Variants in CMC2 observed in about 807,000 individuals in gnomAD.
CMC2 encodes COX assembly mitochondrial protein 2 homolog.
CMC2 carries 5 observed loss-of-function variants against 7.5 expected under a neutral mutation model. The observed-to-expected ratio is 0.66, with a 90% CI of 0.35 to 1.40. CMC2 has a LOEUF of 1.40. Among genes scored for constraint, CMC2 ranks in the 40% most tolerant of loss-of-function variants. The probability of loss-of-function intolerance (pLI) is 0.04; values close to 1 mark genes in which losing one functional copy is unlikely to be tolerated. For missense variants in CMC2, 115 were observed against 92.3 expected (o/e 1.25, Z -1.01); for synonymous variants, 37 against 31.4 (o/e 1.18, Z -0.60).
chr16:80,974,556 G>A lies in CMC2; in HGVS notation c.*1537C>T, dbSNP rs1912144761. The A allele has an allele frequency of 1.3e-5, 2 of 149,612 alleles. No individual in the cohort carries two copies. Among genetic ancestry groups the A allele is most frequent in the Admixed American group, 1.3e-4 (2 of 15,226 alleles). 9.3% of individuals were successfully genotyped at this position (149,612 alleles called of 1,614,324 possible). A position where few individuals can be genotyped will look rare whatever the true frequency, so the allele number is the denominator to read the frequency against. ...AATGCCTTAAAGTGCGCCTCAGAAT[G>A]TATCCCATTTTCACTCATTTGTCAA... On this transcript the variant is annotated 3_prime_UTR_variant, in exon 4 of 4. Transcript: ENST00000219400.
In CMC2 at chr16:80,987,335, G is replaced by A. The variant is rs188036898; in HGVS notation, c.82-5458C>T. ...GAAAATACAAAAATTTTTAAATGGT[G>A]GAAAAACCCAGTACTTAGTGAGTTT... On this transcript the variant is annotated intron_variant, in intron 2 of 3. Coordinates refer to ENST00000219400, the MANE Select transcript of CMC2 (RefSeq NM_020188.5). Among the ~76,000 whole-genome samples, 350 of 152,194 alleles carry A rather than the reference G, an allele frequency of 2.3e-3. 1 individual carries two copies. Among genetic ancestry groups the A allele is most frequent in the African/African-American group, 8.2e-3 (339 of 41,530 alleles).
intron 2 of CMC2, among the ~76,000 whole-genome samples, chr16:80,987,409 C>T (rs1251938658): frequency 1.3e-5 from 2 of 152,126 alleles, no homozygotes; most frequent in Non-Finnish European, 2.9e-5. Context: ...TTTATACTTT[C>T]CTACTTTTTT....
intron 2 of CMC2, among the ~76,000 whole-genome samples, chr16:80,990,617 T>A (rs2549847): frequency 5.3e-5 from 8 of 152,080 alleles, no homozygotes. Flanking sequence ...TATCTTCTCC[T>A]CCTTTTTTAT....
chr16:80,990,326 AC>A (rs1475961498), intron 2 of CMC2, among the ~76,000 whole-genome samples: 2 of 151,986 alleles, frequency 1.3e-5, no homozygotes, highest in Non-Finnish European at 2.9e-5. Flanking sequence ...GTCCGCCACC[AC>A]GCACAGCTAA....
rs535288368 is a variant in CMC2, at chr16:80,970,228, A to T, written c.*5865T>A. 9.2e-5 allele frequency: 14 copies of T among 152,314 alleles called. No homozygotes were observed. The highest frequency in any genetic ancestry group is 5.9e-4 in the Admixed American group (9 of 15,300). The allele number at this position is 152,314 out of a possible 1,614,324, so 9.4% of individuals were successfully genotyped here. On this transcript the variant is annotated 3_prime_UTR_variant, in exon 4 of 4. Transcript: ENST00000219400. ...CACCATTTCTGCTCTGATCCATACC[A>T]GAAAATGGATGCTTCATGGACCGTC...
Position 80,975,110 on chromosome 16 carries a change from T to G in CMC2, c.*983A>C, listed in dbSNP as rs1231521239. On this transcript the variant is annotated 3_prime_UTR_variant, in exon 4 of 4. Transcript: ENST00000219400. Reference sequence around the variant, plus strand: ...GATTGTCACAGGTCTCAGAAACACTTGGCAGAAGGAACACTGGTGAAATGA... The same window carrying G: ...GATTGTCACAGGTCTCAGAAACACTGGGCAGAAGGAACACTGGTGAAATGA... 6.6e-6 allele frequency: 1 copy of G among 152,338 alleles called. No individual in the cohort carries two copies. The highest frequency in any genetic ancestry group is 1.5e-5 in the Non-Finnish European group (1 of 68,132). 9.4% of individuals were successfully genotyped at this position (152,338 alleles called of 1,614,324 possible).
chr16:80,992,723 G>C (rs867261308), intron 2 of CMC2, among the ~76,000 whole-genome samples: 1 of 84,312 alleles, frequency 1.2e-5, no homozygotes, highest in African/African-American at 6.2e-5. Flanking sequence ...TTTTTTTTTT[G>C]TGTAAAGACA....
Position 80,971,460 on chromosome 16 carries a change from A to AG in CMC2, c.*4632_*4633insC, listed in dbSNP as rs1199228560. The AG allele has an allele frequency of 6.6e-6, 1 of 151,148 alleles. No individual in the cohort carries two copies. 9.4% of individuals were successfully genotyped at this position (151,148 alleles called of 1,614,324 possible). On this transcript the variant is annotated 3_prime_UTR_variant, in exon 4 of 4. Coordinates refer to ENST00000219400, the MANE Select transcript of CMC2 (RefSeq NM_020188.5). ...CAACATAGTATTTTTTTTTTAAAAA[A>AG]AAAAGGTACGCTACCAAAGGCTACA...
Position 80,979,989 on chromosome 16 carries a change from G to C in CMC2, c.153+1817C>G, listed in dbSNP as rs185555141. ...CTGAAGCACTGTGGCGACCTAGATA[G>C]CTCACTGCAGCCATGAACTCCTGGG... On this transcript the variant is annotated intron_variant, in intron 3 of 3. Transcript: ENST00000219400. 2.8e-3 allele frequency among the ~76,000 whole-genome samples: 433 copies of C among 152,194 alleles called. 1 individual carries two copies. The highest frequency in any genetic ancestry group is 4.9e-3 in the Non-Finnish European group (336 of 68,002).
intron 2 of CMC2, among the ~76,000 whole-genome samples, chr16:80,995,092 G>C (rs1474568306): frequency 6.6e-6 from 1 of 152,160 alleles, no homozygotes; most frequent in African/African-American, 2.4e-5. Context: ...GTTGCAGTGA[G>C]CCAAGATTGG....
chr16:80,999,996 G>A (rs1007390675), intron 1 of CMC2, among the ~76,000 whole-genome samples: 2 of 152,108 alleles, frequency 1.3e-5, no homozygotes, highest in Non-Finnish European at 2.9e-5. Context: ...CTTCGGAAGA[G>A]AATTAGGACT....
chr16:80,990,336 A>G (rs888496103), intron 2 of CMC2, among the ~76,000 whole-genome samples: 2 of 151,992 alleles, frequency 1.3e-5, no homozygotes, highest in African/African-American at 4.8e-5. Flanking sequence ...ACGCACAGCT[A>G]ATTTTTTATT....
chr16:80,978,496 A>G (rs1966869492), intron 3 of CMC2: 1 of 635,360 alleles, frequency 1.6e-6, no homozygotes, highest in Non-Finnish European at 2.4e-6. Flanking sequence ...TGAAAGGCCA[A>G]TTAACCCCAA....
At chr16:80,979,017 C>T (rs1458275940) in intron 3 of CMC2, among the ~76,000 whole-genome samples, 1 of 151,768 alleles carries the variant, frequency 6.6e-6, no homozygotes, top group Admixed American at 6.6e-5. Context: ...GGAGGAGGAG[C>T]TTGCAGTGGG....
At chr16:80,981,931 G>A in intron 2 of CMC2, 54 bp from the exon 3 acceptor site, 3 of 1,176,220 alleles carry the variant, frequency 2.6e-6, no homozygotes, top group Non-Finnish European at 3.7e-6. Context: ...CCAAGGTTTG[G>A]GGCACATAAA....
At position 80,966,649 on chromosome 16, in the gene CMC2, G is replaced by A. The variant is rs1046337120; in HGVS notation, c.*9444C>T. On this transcript the variant is annotated 3_prime_UTR_variant, in exon 4 of 4. Coordinates refer to ENST00000219400, the MANE Select transcript of CMC2 (RefSeq NM_020188.5). ...TTTTTGCAGTTCTCCTTATCTTCAG[G>A]ATGTATCACCTTCTGGAGATGTAAA... 2 of 151,948 alleles carry A rather than the reference G, an allele frequency of 1.3e-5. No homozygotes were observed. Among genetic ancestry groups the A allele is most frequent in the African/African-American group, 4.8e-5 (2 of 41,374 alleles). The allele number at this position is 151,948 out of a possible 1,614,324, so 9.4% of individuals were successfully genotyped here.
Position 80,970,473 on chromosome 16 carries a change from T to C in CMC2, c.*5620A>G, listed in dbSNP as rs1911839848. 1 of 152,176 alleles carries C rather than the reference T, an allele frequency of 6.6e-6. No homozygotes were observed. Among genetic ancestry groups the C allele is most frequent in the Non-Finnish European group, 1.5e-5 (1 of 68,032 alleles). 9.4% of individuals were successfully genotyped at this position (152,176 alleles called of 1,614,324 possible). A position where few individuals can be genotyped will look rare whatever the true frequency, so the allele number is the denominator to read the frequency against. On this transcript the variant is annotated 3_prime_UTR_variant, in exon 4 of 4. Transcript: ENST00000219400. Reference sequence around the variant, plus strand: ...CTTCCTTAGGGAGGAACAGACATCTTCCAAAAACCTACTACAAATTTGCTA... The same window carrying C: ...CTTCCTTAGGGAGGAACAGACATCTCCCAAAAACCTACTACAAATTTGCTA...
chr16:80,972,324 T>G lies in CMC2; in HGVS notation c.*3769A>C, dbSNP rs564547776. 1.3e-5 allele frequency: 2 copies of G among 152,094 alleles called. No individual in the cohort carries two copies. Among genetic ancestry groups the G allele is most frequent in the South Asian group, 4.1e-4 (2 of 4,826 alleles). 9.4% of individuals were successfully genotyped at this position (152,094 alleles called of 1,614,324 possible). A position where few individuals can be genotyped will look rare whatever the true frequency, so the allele number is the denominator to read the frequency against. On this transcript the variant is annotated 3_prime_UTR_variant, in exon 4 of 4. Coordinates refer to ENST00000219400, the MANE Select transcript of CMC2 (RefSeq NM_020188.5). ...TCAGGGTTTCAATATCAGGGTGTAG[T>G]GAAAGGAGCAACTCCCTTGGGACAG...
At chr16:81,003,113 T>C (rs751945270) in intron 1 of CMC2, among the ~76,000 whole-genome samples, 13 of 152,242 alleles carry the variant, frequency 8.5e-5, no homozygotes, top group Non-Finnish European at 8.8e-5. Flanking sequence ...TGTTGGTGCA[T>C]ACACAGATGT....
Sources: allele counts gnomAD v4.1 joint callset (sites outside exome capture counted in the v4.1 genomes callset), GRCh38; gene constraint gnomAD v4.1.1; transcripts MANE v1.5; gene names NCBI Gene and HGNC (gene_info 2026-07-23, HGNC 2026-07-21).